The following ZNRF1 variants were observed in gnomAD, a reference collection of about 807,000 sequenced individuals.
ZNRF1 encodes the protein E3 ubiquitin-protein ligase ZNRF1.
A neutral mutation model predicts 18.4 loss-of-function variants in ZNRF1; 3 were observed. The ratio of observed to expected loss-of-function variants is 0.16; its 90% confidence interval spans 0.07 to 0.42. The LOEUF is 0.42. Ranked by LOEUF, ZNRF1 falls within the 10% of genes least tolerant of loss-of-function variation. The pLI is 0.99. For missense variants in ZNRF1, 310 were observed against 329.8 expected (o/e 0.94, Z 0.47); for synonymous variants, 157 against 144.2 (o/e 1.09, Z -0.64).
intron 1 of ZNRF1, among the ~76,000 whole-genome samples, chr16:75,034,859 T>C (rs2035356641): frequency 6.6e-6 from 1 of 152,072 alleles, no homozygotes; most frequent in South Asian, 2.1e-4. Flanking sequence ...ACTCCTGGCC[T>C]CAAGTGATCC....
chr16:75,019,868 G>A (rs1442552856), intron 1 of ZNRF1, among the ~76,000 whole-genome samples: 1 of 152,040 alleles, frequency 6.6e-6, no homozygotes, highest in East Asian at 1.9e-4. Context: ...AGAACCACAG[G>A]CACACACCAC....
At chr16:75,096,519 A>G (rs2036201752) in intron 2 of ZNRF1, among the ~76,000 whole-genome samples, 1 of 152,156 alleles carries the variant, frequency 6.6e-6, no homozygotes, top group Non-Finnish European at 1.5e-5. Flanking sequence ...AAAAGACTTA[A>G]GAGTCAGAGG....
chr16:75,019,922 G>A (rs529279940), intron 1 of ZNRF1, among the ~76,000 whole-genome samples: 1 of 152,208 alleles, frequency 6.6e-6, no homozygotes, highest in African/African-American at 2.4e-5. Context: ...ATGGGGGTTC[G>A]CCATGTTGCC....
intron 1 of ZNRF1, among the ~76,000 whole-genome samples, chr16:75,086,306 G>A (rs1304964062): frequency 6.6e-6 from 1 of 152,192 alleles, no homozygotes; most frequent in Non-Finnish European, 1.5e-5. Flanking sequence ...ATTAAACTTT[G>A]TCAGTATGGC....
At chr16:75,105,276 G>A (rs555476929) in intron 3 of ZNRF1, 10 of 205,660 alleles carry the variant, frequency 4.9e-5, no homozygotes, top group Non-Finnish European at 1.0e-4. Context: ...CAATCTGTGC[G>A]AGGAAGGCCA....
chr16:75,089,889 A>T (rs767666056), intron 1 of ZNRF1, among the ~76,000 whole-genome samples: 1 of 152,114 alleles, frequency 6.6e-6, no homozygotes, highest in Non-Finnish European at 1.5e-5. Flanking sequence ...GGAGTAAATG[A>T]TGCTATTATA....
intron 1 of ZNRF1, among the ~76,000 whole-genome samples, chr16:75,016,590 C>T (rs2035073594): frequency 6.6e-6 from 1 of 151,782 alleles, no homozygotes. Context: ...GGCCGGAGTG[C>T]AGTGGCCTGA....
chr16:75,044,992 T>C (rs751194341), intron 1 of ZNRF1, among the ~76,000 whole-genome samples: 5 of 152,158 alleles, frequency 3.3e-5, no homozygotes, highest in Non-Finnish European at 7.3e-5. Context: ...GTGTTTGAAA[T>C]AATTATTGTG....
intron 1 of ZNRF1, among the ~76,000 whole-genome samples, chr16:75,073,762 G>A (rs2035903742): frequency 6.6e-6 from 1 of 151,930 alleles, no homozygotes; most frequent in Admixed American, 6.6e-5. Context: ...GGGATCATCT[G>A]CTACCCGACA....
chr16:75,042,275 T>C (rs568545818), intron 1 of ZNRF1, among the ~76,000 whole-genome samples: 1 of 152,286 alleles, frequency 6.6e-6, no homozygotes, highest in South Asian at 2.1e-4. Context: ...TTTTTGCTTT[T>C]ATGAATGATG....
chr16:75,035,940 G>A (rs1303289524), intron 1 of ZNRF1, among the ~76,000 whole-genome samples: 3 of 152,148 alleles, frequency 2.0e-5, no homozygotes, highest in Non-Finnish European at 2.9e-5. Flanking sequence ...GAGCTTATTG[G>A]GATCACCAGT....
intron 2 of ZNRF1, among the ~76,000 whole-genome samples, chr16:75,099,049 G>T (rs902170051): frequency 1.3e-5 from 2 of 152,216 alleles, no homozygotes; most frequent in African/African-American, 4.8e-5. Flanking sequence ...ACAGAAAGGG[G>T]GAGATGCAAA....
intron 4 of ZNRF1, chr16:75,106,829 A>G (rs1304182985): frequency 1.1e-5 from 4 of 377,032 alleles, no homozygotes; most frequent in East Asian, 5.1e-5. Context: ...GACCAGTACA[A>G]TCTACATTCC....
intron 1 of ZNRF1, among the ~76,000 whole-genome samples, chr16:75,053,576 C>T (rs898100890): frequency 2.3e-4 from 30 of 129,438 alleles, no homozygotes; most frequent in Admixed American, 1.0e-3. Context: ...TGTGACAGAG[C>T]GAGACTCCAT....
intron 1 of ZNRF1, among the ~76,000 whole-genome samples, chr16:75,039,733 C>T (rs1021771191): frequency 1.3e-5 from 2 of 152,202 alleles, no homozygotes; most frequent in Admixed American, 6.5e-5. Flanking sequence ...GTTGGTCTGT[C>T]AACAGGTGTT....
chr16:75,083,449 C>G (rs763122271), intron 1 of ZNRF1, among the ~76,000 whole-genome samples: 1 of 152,134 alleles, frequency 6.6e-6, no homozygotes, highest in South Asian at 2.1e-4. Flanking sequence ...ATTCAGAAAC[C>G]TCAGAGATAT....
chr16:75,023,506 A>G (rs1401266362), intron 1 of ZNRF1, among the ~76,000 whole-genome samples: 1 of 152,156 alleles, frequency 6.6e-6, no homozygotes, highest in African/African-American at 2.4e-5. Flanking sequence ...CAACATGGCC[A>G]AACCCCGTCT....
chr16:75,106,825 T>A (rs142427288), intron 4 of ZNRF1: 2 of 400,020 alleles, frequency 5.0e-6, no homozygotes, highest in East Asian at 9.6e-5. Flanking sequence ...AAGAGACCAG[T>A]ACAATCTACA....
In ZNRF1 at chr16:75,009,930, A is replaced by G. The variant is rs566734837; in HGVS notation, c.424+9835A>G. On this transcript the variant is annotated intron_variant, in intron 1 of 4. Transcript: ENST00000335325. ...TTTCATGTGTTTATTGGCCATTTGT[A>G]TATCTTTTTTGGAGAAATAATCTAT... Among the ~76,000 whole-genome samples, 5 of 78,686 alleles carry G rather than the reference A, an allele frequency of 6.4e-5. No homozygotes were observed. The East Asian group carries it at 1.0e-3, about 16-fold the overall frequency. 51.6% of individuals were successfully genotyped at this position (78,686 alleles called of 152,430 possible).
Sources: allele counts gnomAD v4.1 joint callset (sites outside exome capture counted in the v4.1 genomes callset), GRCh38; gene constraint gnomAD v4.1.1; transcripts MANE v1.5; gene names NCBI Gene and HGNC (gene_info 2026-07-23, HGNC 2026-07-21).